Variants in NECAB2 observed in about 807,000 individuals in gnomAD.
NECAB2 encodes the protein N-terminal EF-hand calcium-binding protein 2.
NECAB2 carries 68 observed loss-of-function variants against 51.9 expected under a neutral mutation model. The ratio of observed to expected loss-of-function variants is 1.31; its 90% confidence interval spans 1.08 to 1.60. The LOEUF is 1.60. Ranked by LOEUF, NECAB2 falls within the 40% of genes most tolerant of loss-of-function variation. The pLI, the probability that NECAB2 is intolerant of heterozygous loss-of-function variation, is 0.00. For missense variants in NECAB2, 854 were observed against 490.3 expected (o/e 1.74, Z -7.00); for synonymous variants, 329 against 203.5 (o/e 1.62, Z -5.25).
chr16:83,988,094 C>T (rs2084577689), intron 5 of NECAB2, among the ~76,000 whole-genome samples: 1 of 152,228 alleles, frequency 6.6e-6, no homozygotes, highest in Non-Finnish European at 1.5e-5. Flanking sequence ...GGCTTTTCTT[C>T]ATAAGTCCTT....
intron 5 of NECAB2, among the ~76,000 whole-genome samples, chr16:83,988,341 TTTCAC>T (rs1164443276): frequency 6.6e-6 from 1 of 152,226 alleles, no homozygotes; most frequent in Non-Finnish European, 1.5e-5. Flanking sequence ...AATTCCTAGT[TTTCAC>T]TTCATCAGTT....
At chr16:83,966,268 G>C (rs556270995), upstream of NECAB2, 161 of 516,520 alleles carry the variant, frequency 3.1e-4, 2 homozygotes, top group African/African-American at 2.6e-3. Flanking sequence ...TGAGCACCCA[G>C]CCAGGAGACC....
intron 2 of NECAB2, among the ~76,000 whole-genome samples, chr16:83,975,351 C>CAGGG (rs2084397250): frequency 6.6e-6 from 1 of 151,758 alleles, no homozygotes; most frequent in Non-Finnish European, 1.5e-5. Context: ...AACAGGTGTG[C>CAGGG]AGGGATGAGA....
At chr16:83,982,467 C>G (rs2084500363) in intron 5 of NECAB2, among the ~76,000 whole-genome samples, 1 of 152,166 alleles carries the variant, frequency 6.6e-6, no homozygotes, top group African/African-American at 2.4e-5. Context: ...GGGAAGATCC[C>G]AGGCTTCCGA....
intron 2 of NECAB2, among the ~76,000 whole-genome samples, chr16:83,977,104 T>C (rs1472472140): frequency 1.3e-5 from 2 of 152,212 alleles, no homozygotes; most frequent in African/African-American, 2.4e-5. Flanking sequence ...AGAGTCTTTT[T>C]CTAATCCATA....
chr16:83,986,000 C>G (rs1329469327), intron 5 of NECAB2, among the ~76,000 whole-genome samples: 1 of 152,096 alleles, frequency 6.6e-6, no homozygotes. Flanking sequence ...AAATACACAT[C>G]AAATATTTTT....
intron 5 of NECAB2, among the ~76,000 whole-genome samples, chr16:83,989,007 G>C (rs77038809): frequency 0.041 from 6,221 of 152,282 alleles, 352 homozygotes; most frequent in African/African-American, 0.13. Flanking sequence ...TTGGAATTCA[G>C]CTAACCAGTA....
At chr16:83,972,077 G>A in intron 1 of NECAB2, 74 bp from the exon 2 acceptor site, 3 of 1,593,282 alleles carry the variant, frequency 1.9e-6, no homozygotes, top group South Asian at 2.2e-5. Context: ...AAGGATCCCA[G>A]TATCCGGTCA....
upstream of NECAB2, among the ~76,000 whole-genome samples, chr16:83,967,427 A>G (rs1463269803): frequency 2.0e-5 from 2 of 101,810 alleles, no homozygotes; most frequent in Non-Finnish European, 3.8e-5. Context: ...GGATGGTTGG[A>G]TGGATGGGAG....
At chr16:83,967,097 C>T (rs1421499778), upstream of NECAB2, among the ~76,000 whole-genome samples, 1 of 152,226 alleles carries the variant, frequency 6.6e-6, no homozygotes, top group East Asian at 1.9e-4. Context: ...GTCTTGAACT[C>T]CTGACCTCAA....
intron 1 of NECAB2, among the ~76,000 whole-genome samples, chr16:83,970,377 G>T (rs2084334948): frequency 6.6e-6 from 1 of 152,204 alleles, no homozygotes; most frequent in Non-Finnish European, 1.5e-5. Flanking sequence ...GTTTTGAGGA[G>T]CCTTGCCCAG....
intron 1 of NECAB2, among the ~76,000 whole-genome samples, chr16:83,969,535 G>C (rs1245558860): frequency 6.6e-6 from 1 of 150,714 alleles, no homozygotes; most frequent in Non-Finnish European, 1.5e-5. Flanking sequence ...ACCCTACAGA[G>C]AGCTGGGTCC....
chr16:83,975,780 G>C (rs2084401597), intron 2 of NECAB2, among the ~76,000 whole-genome samples: 1 of 152,168 alleles, frequency 6.6e-6, no homozygotes, highest in African/African-American at 2.4e-5. Context: ...AAAGGTCATG[G>C]AGACAGAGAG....
chr16:83,993,227 C>T (rs888015722), intron 6 of NECAB2, among the ~76,000 whole-genome samples: 6 of 152,170 alleles, frequency 3.9e-5, no homozygotes, highest in African/African-American at 1.4e-4. Flanking sequence ...CAGACCCCAC[C>T]ACCCGGGAGC....
chr16:83,979,284 G>T (rs1240660608), intron 3 of NECAB2, among the ~76,000 whole-genome samples: 1 of 152,158 alleles, frequency 6.6e-6, no homozygotes, highest in Non-Finnish European at 1.5e-5. Context: ...GCGTGATGAG[G>T]ACCCAAGCTT....
intron 5 of NECAB2, among the ~76,000 whole-genome samples, chr16:83,989,946 T>C (rs565170533): frequency 6.6e-6 from 1 of 152,190 alleles, no homozygotes; most frequent in Non-Finnish European, 1.5e-5. Flanking sequence ...CTGCTTTTGA[T>C]TCCGTTTTGT....
At chr16:84,001,103 T>C (rs2084823505) in intron 11 of NECAB2, among the ~76,000 whole-genome samples, 1 of 152,064 alleles carries the variant, frequency 6.6e-6, no homozygotes, top group East Asian at 1.9e-4. Context: ...CTGCCTTCTT[T>C]ACCACCCTGT....
intron 8 of NECAB2, among the ~76,000 whole-genome samples, chr16:83,995,920 G>A (rs999736005): frequency 6.6e-6 from 1 of 152,212 alleles, no homozygotes; most frequent in Non-Finnish European, 1.5e-5. Flanking sequence ...TCGGGAGGGA[G>A]ACTCTGAAGC....
At chr16:83,974,157 G>T (rs1188721046) in intron 2 of NECAB2, among the ~76,000 whole-genome samples, 1 of 152,076 alleles carries the variant, frequency 6.6e-6, no homozygotes, top group Non-Finnish European at 1.5e-5. Flanking sequence ...ACCGTTAGGG[G>T]CTGTCACCAG....
Sources: allele counts gnomAD v4.1 joint callset (sites outside exome capture counted in the v4.1 genomes callset), GRCh38; gene constraint gnomAD v4.1.1; transcripts MANE v1.5; gene names NCBI Gene and HGNC (gene_info 2026-07-23, HGNC 2026-07-21).